The following SCFD2 variants were observed in gnomAD, a reference collection of about 807,000 sequenced individuals.
The protein encoded by SCFD2 is sec1 family domain-containing protein 2.
In SCFD2, 54 loss-of-function variants were observed where a neutral mutation model predicts 58.9. The ratio of observed to expected loss-of-function variants is 0.92; its 90% CI spans 0.74 to 1.15. The LOEUF (loss-of-function observed/expected upper bound fraction) is 1.15, where lower values mean the gene tolerates loss of function less well. SCFD2 is among the 50% of genes most tolerant of loss of function. SCFD2 has a pLI of 0.00. For synonymous variants in SCFD2, 321 were observed against 335.9 expected (o/e 0.96, Z 0.49); for missense variants, 805 against 836.6 (o/e 0.96, Z 0.47).
chr4:53,267,779 G>A (rs1731035702), intron 4 of SCFD2, among the ~76,000 whole-genome samples: 2 of 152,136 alleles, frequency 1.3e-5, no homozygotes, highest in East Asian at 3.9e-4. Context: ...TTTAGTTGTT[G>A]AAAGAACCAC....
chr4:53,301,919 T>G (rs537716797), intron 3 of SCFD2, among the ~76,000 whole-genome samples: 99 of 152,220 alleles, frequency 6.5e-4, no homozygotes, highest in African/African-American at 2.2e-3. Flanking sequence ...TGCTAAAAAC[T>G]CTCAATAAAT....
intron 4 of SCFD2, among the ~76,000 whole-genome samples, chr4:53,261,320 CT>C (rs1481506587): frequency 6.6e-6 from 1 of 151,910 alleles, no homozygotes; most frequent in Non-Finnish European, 1.5e-5. Context: ...GAGATGTGAC[CT>C]TAGTTTATCT....
chr4:52,889,274 C>T (rs1329660196), intron 7 of SCFD2, among the ~76,000 whole-genome samples: 1 of 152,062 alleles, frequency 6.6e-6, no homozygotes, highest in East Asian at 1.9e-4. Flanking sequence ...AAACATTGTA[C>T]TAACTATTTT....
At chr4:52,992,801 C>T (rs1401116356) in intron 5 of SCFD2, among the ~76,000 whole-genome samples, 1 of 151,982 alleles carries the variant, frequency 6.6e-6, no homozygotes, top group African/African-American at 2.4e-5. Flanking sequence ...GCAGCCGCCC[C>T]GTCCGGGAGG....
chr4:53,134,604 G>A (rs1725885500), intron 5 of SCFD2, among the ~76,000 whole-genome samples: 1 of 152,184 alleles, frequency 6.6e-6, no homozygotes, highest in Admixed American at 6.5e-5. Flanking sequence ...TCCAATTCGA[G>A]TAACAGGAAT....
chr4:53,211,068 C>A (rs953343598), intron 4 of SCFD2, among the ~76,000 whole-genome samples: 1 of 151,986 alleles, frequency 6.6e-6, no homozygotes, highest in Non-Finnish European at 1.5e-5. Context: ...CATGGTGAAA[C>A]CCTGTCTCTA....
At chr4:53,089,718 TA>T (rs1380142247) in intron 5 of SCFD2, among the ~76,000 whole-genome samples, 1 of 152,130 alleles carries the variant, frequency 6.6e-6, no homozygotes, top group East Asian at 1.9e-4. Flanking sequence ...AAAATAAATA[TA>T]ATCAATTTCT....
chr4:53,145,601 T>C lies in SCFD2; in HGVS notation c.1312-19A>G, dbSNP rs1206491882. 4.4e-6 allele frequency: 7 copies of C among 1,602,160 alleles called. No homozygotes were observed. The African/African-American group carries it at 8.1e-5, about 18-fold the overall frequency. On this transcript the variant is annotated intron_variant, in intron 4 of 8. Coordinates refer to ENST00000401642, the MANE Select transcript of SCFD2 (RefSeq NM_152540.4). ...CAATGCTCTAAAATAAAAAATGATA[T>C]GAAAATATGTCAATCTTGTATAAAG...
At chr4:52,966,482 T>G (rs1055358995) in intron 5 of SCFD2, among the ~76,000 whole-genome samples, 2 of 152,128 alleles carry the variant, frequency 1.3e-5, no homozygotes, top group African/African-American at 4.8e-5. Context: ...CTTTTTAATC[T>G]CTGTTTTCAG....
intron 1 of SCFD2, among the ~76,000 whole-genome samples, chr4:53,353,024 C>T (rs1431853124): frequency 1.3e-5 from 2 of 152,122 alleles, no homozygotes; most frequent in East Asian, 1.9e-4. Context: ...TAGCACCTAG[C>T]GTGTCTGGAA....
intron 5 of SCFD2, among the ~76,000 whole-genome samples, chr4:53,007,335 GGAGAGA>G (rs1204340553): frequency 2.5e-5 from 1 of 39,222 alleles, no homozygotes; most frequent in Non-Finnish European, 4.9e-5. Context: ...AGAGAGAGAG[GGAGAGA>G]GAGAGAGAGA....
At chr4:53,317,978 T>C (rs775430366) in intron 2 of SCFD2, among the ~76,000 whole-genome samples, 2 of 152,212 alleles carry the variant, frequency 1.3e-5, no homozygotes, top group Non-Finnish European at 2.9e-5. Flanking sequence ...TTGTAAGATA[T>C]AGAAGGAAGC....
intron 4 of SCFD2, among the ~76,000 whole-genome samples, chr4:53,228,952 C>G (rs4254834): frequency 0.69 from 104,340 of 151,610 alleles, 36,100 homozygotes; most frequent in Middle Eastern, 0.78. Flanking sequence ...GTGCAAAAAT[C>G]ACAAGCATTC....
chr4:53,167,182 C>T lies in SCFD2; in HGVS notation c.1312-21600G>A, dbSNP rs118082051. On this transcript the variant is annotated intron_variant, in intron 4 of 8. Transcript: ENST00000401642. ...CCTTCCTTTGTGAAGTCTTCCCAGA[C>T]TGGTCAGATCCTCAGCATCACAGAC... Among the ~76,000 whole-genome samples, 21 of 152,328 alleles carry T rather than the reference C, an allele frequency of 1.4e-4. No individual in the cohort carries two copies. The East Asian group carries it at 2.9e-3, about 21-fold the overall frequency.
At chr4:53,154,833 G>C (rs1032254304) in intron 4 of SCFD2, among the ~76,000 whole-genome samples, 1 of 98,944 alleles carries the variant, frequency 1.0e-5, no homozygotes, top group African/African-American at 3.5e-5. Flanking sequence ...TGGCTGTGCT[G>C]AGAGAGAGAG....
chr4:53,358,616 A>C (rs1275135776), intron 1 of SCFD2, among the ~76,000 whole-genome samples: 1 of 152,106 alleles, frequency 6.6e-6, no homozygotes, highest in Non-Finnish European at 1.5e-5. Context: ...TAAGAGAGTA[A>C]ATTTAATTCC....
At chr4:53,055,899 G>A (rs1027443417) in intron 5 of SCFD2, among the ~76,000 whole-genome samples, 1 of 152,130 alleles carries the variant, frequency 6.6e-6, no homozygotes, top group African/African-American at 2.4e-5. Context: ...TCGCTGGCCA[G>A]AGCAGACCAC....
intron 4 of SCFD2, among the ~76,000 whole-genome samples, chr4:53,188,747 A>G (rs1727809514): frequency 6.6e-6 from 1 of 152,204 alleles, no homozygotes; most frequent in African/African-American, 2.4e-5. Flanking sequence ...GAAAATTCTT[A>G]ATTCCATCTA....
At chr4:53,101,781 A>T (rs1478432944) in intron 5 of SCFD2, among the ~76,000 whole-genome samples, 2 of 152,180 alleles carry the variant, frequency 1.3e-5, no homozygotes, top group Non-Finnish European at 2.9e-5. Context: ...CTTGATTAGG[A>T]TGTCTCAATG....
Sources: gnomAD v4.1 joint callset for allele counts (sites outside exome capture counted in the v4.1 genomes callset) on GRCh38, gnomAD v4.1.1 for gene constraint, MANE v1.5 for transcripts, NCBI Gene and HGNC (gene_info 2026-07-23, HGNC 2026-07-21) for gene names.